The following DGKB variants were observed in gnomAD, a reference collection of about 807,000 sequenced individuals.
DGKB encodes the protein 90 kDa diacylglycerol kinase.
A neutral mutation model predicts 114.3 loss-of-function variants in DGKB; 67 were observed. The ratio of observed to expected loss-of-function variants is 0.59; its 90% CI spans 0.48 to 0.72. The LOEUF is 0.72. Among genes scored for constraint, DGKB ranks in the 30% least tolerant of loss-of-function variants. The pLI is 0.00. For missense variants in DGKB, 907 were observed against 975.2 expected (o/e 0.93, Z 0.93); for synonymous variants, 398 against 323.1 (o/e 1.23, Z -2.49).
intron 2 of DGKB, among the ~76,000 whole-genome samples, chr7:14,813,451 T>C (rs1843693150): frequency 6.6e-6 from 1 of 152,304 alleles, no homozygotes; most frequent in Non-Finnish European, 1.5e-5. Context: ...GGAGTGTGCC[T>C]GAGAGCCACC....
rs1396927911 is a variant in DGKB, at chr7:14,682,683, A to C, written c.919-14T>G. On this transcript the variant is annotated splice_polypyrimidine_tract_variant and intron_variant, in intron 11 of 25. Coordinates refer to ENST00000402815, the MANE Select transcript of DGKB (RefSeq NM_001350709.2). ...ATGGTGCATGACCTAGAACAGAATG[A>C]CAACATTGTGATAAGAGGACACACT... 6.2e-7 allele frequency: 1 copy of C among 1,610,470 alleles called. No individual in the cohort carries two copies. The highest frequency in any genetic ancestry group is 2.2e-5 in the East Asian group (1 of 44,848).
chr7:14,768,630 CTAAAAA>C (rs1233335695), intron 2 of DGKB, among the ~76,000 whole-genome samples: 3 of 150,750 alleles, frequency 2.0e-5, no homozygotes, highest in African/African-American at 7.4e-5. Context: ...AGTTATTACT[CTAAAAA>C]TAATCATTTG....
rs1242050321 is a variant in DGKB, at chr7:14,434,885, T to C, written c.1835+43276A>G. Among the ~76,000 whole-genome samples the C allele has an allele frequency of 3.9e-5, 6 of 152,216 alleles. 1 individual carries two copies. The East Asian group carries it at 1.2e-3, about 29-fold the overall frequency. On this transcript the variant is annotated intron_variant, in intron 21 of 25. Coordinates refer to ENST00000402815, the MANE Select transcript of DGKB (RefSeq NM_001350709.2). Reference sequence around the variant, plus strand: ...ATAAAATATATTTGGCATATACCAATGGTTGATCGTATGTTTACAATATGT... The same window carrying C: ...ATAAAATATATTTGGCATATACCAACGGTTGATCGTATGTTTACAATATGT...
intron 19 of DGKB, among the ~76,000 whole-genome samples, chr7:14,578,971 C>A (rs1184735180): frequency 6.6e-6 from 1 of 152,144 alleles, no homozygotes; most frequent in Non-Finnish European, 1.5e-5. Flanking sequence ...TTCAGCAACC[C>A]CACCTGCATT....
Position 14,555,545 on chromosome 7 carries a change from T to G in DGKB, c.1770+18667A>C, listed in dbSNP as rs946127151. On this transcript the variant is annotated intron_variant, in intron 20 of 25. Transcript: ENST00000402815. ...CTTGATCTCTTAATAATACTGAATCTGTCCATGAAGGAATGTCAGAGGCAT... is the reference window on the plus strand; with the variant it reads ...CTTGATCTCTTAATAATACTGAATCGGTCCATGAAGGAATGTCAGAGGCAT... 2.0e-5 allele frequency among the ~76,000 whole-genome samples: 3 copies of G among 152,310 alleles called. No individual in the cohort carries two copies. The East Asian group carries it at 5.8e-4, about 29-fold the overall frequency.
intron 20 of DGKB, among the ~76,000 whole-genome samples, chr7:14,560,281 A>G (rs2128668257): frequency 6.6e-6 from 1 of 152,268 alleles, no homozygotes; most frequent in Non-Finnish European, 1.5e-5. Flanking sequence ...GTATAGGTAC[A>G]ATGTTTTACA....
intron 2 of DGKB, among the ~76,000 whole-genome samples, chr7:14,769,115 AAGAAAGAAAGAG>A (rs3036222): frequency 0.052 from 6,536 of 124,932 alleles, 385 homozygotes; most frequent in African/African-American, 0.14. Flanking sequence ...GAAAGAAAGA[AAGAAAGAAAGAG>A]AGAGAGAGAA....
At chr7:14,855,553 T>C (rs936223631) in intron 1 of DGKB, among the ~76,000 whole-genome samples, 1 of 151,916 alleles carries the variant, frequency 6.6e-6, no homozygotes, top group African/African-American at 2.4e-5. Context: ...ACACAATACA[T>C]ACATACCCCC....
At chr7:14,462,346 T>C (rs1358738127) in intron 21 of DGKB, among the ~76,000 whole-genome samples, 1 of 152,126 alleles carries the variant, frequency 6.6e-6, no homozygotes, top group Admixed American at 6.6e-5. Flanking sequence ...TGACTGTATA[T>C]TTAGAAAACC....
chr7:14,235,978 C>T (rs530260403), intron 23 of DGKB, among the ~76,000 whole-genome samples: 3 of 152,100 alleles, frequency 2.0e-5, no homozygotes, highest in South Asian at 4.1e-4. Flanking sequence ...GACATACACG[C>T]AGATACACAA....
intron 5 of DGKB, among the ~76,000 whole-genome samples, chr7:14,730,873 A>C (rs971842540): frequency 6.6e-6 from 1 of 152,214 alleles, no homozygotes; most frequent in Non-Finnish European, 1.5e-5. Flanking sequence ...GTTTAATTAA[A>C]AAATGCTCTG....
At chr7:14,295,523 T>A (rs905848204) in intron 23 of DGKB, among the ~76,000 whole-genome samples, 4 of 152,088 alleles carry the variant, frequency 2.6e-5, no homozygotes, top group Admixed American at 2.6e-4. Context: ...CTTATATCTG[T>A]TTCCTGCCTG....
At chr7:14,250,300 C>T (rs1439157541) in intron 23 of DGKB, among the ~76,000 whole-genome samples, 3 of 151,792 alleles carry the variant, frequency 2.0e-5, no homozygotes, top group African/African-American at 7.3e-5. Flanking sequence ...TATTAAATTT[C>T]CATCTTAGAA....
At chr7:14,665,521 T>C (rs946503704) in intron 13 of DGKB, among the ~76,000 whole-genome samples, 1 of 151,964 alleles carries the variant, frequency 6.6e-6, no homozygotes, top group Non-Finnish European at 1.5e-5. Flanking sequence ...ACCTAAAAGT[T>C]AAATTAAAAT....
At chr7:14,299,157 C>G (rs926692559) in intron 23 of DGKB, among the ~76,000 whole-genome samples, 1 of 152,054 alleles carries the variant, frequency 6.6e-6, no homozygotes, top group Non-Finnish European at 1.5e-5. Flanking sequence ...ATCCTCATAA[C>G]TCTATTCCAA....
intron 23 of DGKB, among the ~76,000 whole-genome samples, chr7:14,209,843 T>C (rs1198646478): frequency 6.6e-6 from 1 of 152,020 alleles, no homozygotes; most frequent in African/African-American, 2.4e-5. Context: ...CATTATATTA[T>C]CATTTTGTTA....
intron 1 of DGKB, among the ~76,000 whole-genome samples, chr7:14,890,765 A>T (rs7788694): frequency 0.41 from 61,274 of 150,070 alleles, 13,102 homozygotes; most frequent in East Asian, 0.63. Flanking sequence ...GACCTCAAAG[A>T]CTCCATGCTT....
chr7:14,247,362 G>A (rs11974745), intron 23 of DGKB, among the ~76,000 whole-genome samples: 13,938 of 152,060 alleles, frequency 0.092, 915 homozygotes, highest in African/African-American at 0.18. Flanking sequence ...TTTCTTATAT[G>A]TACCCAGCAT....
chr7:14,539,590 T>G (rs1194845631), intron 20 of DGKB, among the ~76,000 whole-genome samples: 1 of 152,134 alleles, frequency 6.6e-6, no homozygotes, highest in Non-Finnish European at 1.5e-5. Flanking sequence ...AGCAAGGGTT[T>G]TTAAAAATCT....
Sources: gnomAD v4.1 joint callset for allele counts (sites outside exome capture counted in the v4.1 genomes callset) on GRCh38, gnomAD v4.1.1 for gene constraint, MANE v1.5 for transcripts, NCBI Gene and HGNC (gene_info 2026-07-23, HGNC 2026-07-21) for gene names.